PIGK: variants seen among roughly 807,000 people sequenced by gnomAD.
PIGK encodes GPI-anchor transamidase.
PIGK carries 42 observed loss-of-function variants against 50.6 expected under a neutral mutation model. That is an observed-to-expected ratio of 0.83 (90% CI 0.65 to 1.07). The LOEUF (loss-of-function observed/expected upper bound fraction) is 1.07, where lower values mean the gene tolerates loss of function less well. Among genes scored for constraint, PIGK ranks in the 50% least tolerant of loss-of-function variants. The pLI is 0.00. For synonymous variants in PIGK, 151 were observed against 156.0 expected (o/e 0.97, Z 0.24); for missense variants, 448 against 488.7 (o/e 0.92, Z 0.78).
chr1:77,168,143 C>T (rs1052662252), intron 4 of PIGK, among the ~76,000 whole-genome samples: 4 of 152,070 alleles, frequency 2.6e-5, no homozygotes, highest in South Asian at 4.1e-4. Flanking sequence ...ACACTTTAAA[C>T]GAGATTTTCC....
intron 10 of PIGK, among the ~76,000 whole-genome samples, chr1:77,117,304 T>C (rs558678211): frequency 6.6e-6 from 1 of 152,352 alleles, no homozygotes; most frequent in Non-Finnish European, 1.5e-5. Context: ...AGAAAAATTA[T>C]CTATTGAGAC....
chr1:77,099,593 T>C (rs1448340037), intron 10 of PIGK, among the ~76,000 whole-genome samples: 1 of 152,208 alleles, frequency 6.6e-6, no homozygotes, highest in Non-Finnish European at 1.5e-5. Flanking sequence ...TTTTTCAGTA[T>C]GTGTTTAATG....
rs1436089329 is a variant in PIGK, at chr1:77,090,020, C to T, written c.*2354G>A. 2.0e-5 allele frequency: 3 copies of T among 152,220 alleles called. No individual in the cohort carries two copies. The highest frequency in any genetic ancestry group is 2.9e-5 in the Non-Finnish European group (2 of 68,040). 9.4% of individuals were successfully genotyped at this position (152,220 alleles called of 1,614,324 possible). On this transcript the variant is annotated 3_prime_UTR_variant, in exon 11 of 11. Transcript: ENST00000370812. ...TAGCTTAGAAAGCTACATAAGTGCA[C>T]TGTGACCATTAACTTCCCCTTTGGT... is the stretch of plus-strand genomic sequence containing the variant.
intron 10 of PIGK, among the ~76,000 whole-genome samples, chr1:77,105,342 T>C (rs1653644199): frequency 6.6e-6 from 1 of 151,870 alleles, no homozygotes; most frequent in Non-Finnish European, 1.5e-5. Flanking sequence ...AAGGCATTAT[T>C]CAGAAAGAAC....
chr1:77,216,001 T>G (rs1656553528), intron 1 of PIGK, among the ~76,000 whole-genome samples: 1 of 152,140 alleles, frequency 6.6e-6, no homozygotes, highest in South Asian at 2.1e-4. Flanking sequence ...ATAGCAGGAA[T>G]AAGTTCTAGC....
chr1:77,166,672 A>G (rs1655241579), intron 5 of PIGK, 47 bp downstream of exon 5: 1 of 907,558 alleles, frequency 1.1e-6, no homozygotes, highest in African/African-American at 1.7e-5. Context: ...TTCTTTTCAA[A>G]GAGTTTCAAT....
chr1:77,116,564 G>A (rs934703798), intron 10 of PIGK, among the ~76,000 whole-genome samples: 1 of 49,470 alleles, frequency 2.0e-5, no homozygotes, highest in African/African-American at 7.5e-5. Flanking sequence ...ATGTGTCTCT[G>A]TGTGTGTGTG....
intron 9 of PIGK, among the ~76,000 whole-genome samples, chr1:77,123,762 A>G (rs543160528): frequency 1.3e-5 from 2 of 152,296 alleles, no homozygotes; most frequent in African/African-American, 4.8e-5. Context: ...ACTAAAGTGT[A>G]TACTGAAAAA....
chr1:77,179,976 T>C (rs1486902028), intron 3 of PIGK, among the ~76,000 whole-genome samples: 1 of 152,122 alleles, frequency 6.6e-6, no homozygotes, highest in South Asian at 2.1e-4. Context: ...ACAGCAGTTA[T>C]TTAAATCTGC....
intron 9 of PIGK, among the ~76,000 whole-genome samples, chr1:77,131,260 G>C (rs1654365653): frequency 6.6e-6 from 1 of 151,530 alleles, no homozygotes; most frequent in South Asian, 2.1e-4. Flanking sequence ...TGATTTCCAT[G>C]TAATGATCTT....
chr1:77,195,095 G>A (rs1656000865), intron 3 of PIGK: 6 of 1,054,164 alleles, frequency 5.7e-6, no homozygotes, highest in Non-Finnish European at 7.3e-6. Flanking sequence ...CCAGACTGGT[G>A]AGGTGTGGTC....
At chr1:77,112,844 C>T (rs1411118945) in intron 10 of PIGK, among the ~76,000 whole-genome samples, 2 of 152,090 alleles carry the variant, frequency 1.3e-5, no homozygotes, top group Non-Finnish European at 2.9e-5. Flanking sequence ...CTTACCTCAA[C>T]TTCCAGAAAG....
At chr1:77,161,487 T>C (rs1655126411) in intron 7 of PIGK, 82 bp from the exon 8 acceptor site, 1 of 974,414 alleles carries the variant, frequency 1.0e-6, no homozygotes, top group African/African-American at 1.6e-5. Flanking sequence ...TTCCTTCTAA[T>C]GTATTAGTCT....
chr1:77,108,666 G>C (rs1453725363), intron 10 of PIGK, among the ~76,000 whole-genome samples: 1 of 152,144 alleles, frequency 6.6e-6, no homozygotes, highest in Non-Finnish European at 1.5e-5. Context: ...AGTTCTCCTG[G>C]AAAATATCCT....
intron 9 of PIGK, among the ~76,000 whole-genome samples, chr1:77,132,659 C>T (rs1290933285): frequency 6.6e-6 from 1 of 151,954 alleles, no homozygotes; most frequent in African/African-American, 2.4e-5. Flanking sequence ...TCATTCTTTA[C>T]TGAATTTTGT....
chr1:77,120,099 G>A (rs1026331628), intron 10 of PIGK, among the ~76,000 whole-genome samples: 2 of 152,120 alleles, frequency 1.3e-5, no homozygotes, highest in African/African-American at 2.4e-5. Flanking sequence ...AATAGTTACA[G>A]GGGGAGATTA....
intron 10 of PIGK, among the ~76,000 whole-genome samples, chr1:77,111,438 T>C (rs1036213497): frequency 6.6e-6 from 1 of 152,082 alleles, no homozygotes; most frequent in Non-Finnish European, 1.5e-5. Context: ...TAAAAAATGA[T>C]GAATTCCTGT....
At chr1:77,149,384 C>CA (rs1347611969) in intron 9 of PIGK, among the ~76,000 whole-genome samples, 1 of 151,398 alleles carries the variant, frequency 6.6e-6, no homozygotes, top group Non-Finnish European at 1.5e-5. Context: ...AAGATACAGA[C>CA]AAAAAATGAA....
At chr1:77,112,047 A>T (rs1359497170) in intron 10 of PIGK, among the ~76,000 whole-genome samples, 2 of 152,190 alleles carry the variant, frequency 1.3e-5, no homozygotes, top group East Asian at 3.9e-4. Flanking sequence ...TGTTTATCTA[A>T]GAATGATCAG....
Sources: gnomAD v4.1 joint callset for allele counts (sites outside exome capture counted in the v4.1 genomes callset) on GRCh38, gnomAD v4.1.1 for gene constraint, MANE v1.5 for transcripts, NCBI Gene and HGNC (gene_info 2026-07-23, HGNC 2026-07-21) for gene names.